The following CA1 variants were observed in gnomAD, a reference collection of about 807,000 sequenced individuals.
CA1 encodes carbonate dehydratase I.
Under a neutral mutation model 28.8 loss-of-function variants are expected in CA1, and 27 were observed. That is an observed-to-expected ratio of 0.94 (90% CI 0.69 to 1.29). The LOEUF is 1.29. CA1 is among the 50% of genes most tolerant of loss of function. The pLI, the probability that CA1 is intolerant of heterozygous loss-of-function variation, is 0.00. For missense variants in CA1, 335 were observed against 310.5 expected, an observed-to-expected ratio of 1.08 and a Z score of -0.59; for synonymous variants, 121 against 108.8, an observed-to-expected ratio of 1.11 and a Z score of -0.70.
chr8:85,343,812 C>A (rs1480498944), intron 1 of CA1, among the ~76,000 whole-genome samples: 2 of 151,800 alleles, frequency 1.3e-5, no homozygotes, highest in African/African-American at 4.8e-5. Flanking sequence ...ATTGTACTGG[C>A]AGAAAATTAT....
chr8:85,345,838 A>G (rs552491125), intron 1 of CA1, among the ~76,000 whole-genome samples: 1 of 152,214 alleles, frequency 6.6e-6, no homozygotes, highest in African/African-American at 2.4e-5. Context: ...CATTACTGGG[A>G]GAATGAGAAC....
At chr8:85,347,884 G>A (rs980893995) in intron 1 of CA1, among the ~76,000 whole-genome samples, 1 of 152,186 alleles carries the variant, frequency 6.6e-6, no homozygotes, top group Non-Finnish European at 1.5e-5. Context: ...GTCCTGATTA[G>A]GACACTATCA....
At chr8:85,372,667 A>G (rs951008900) in intron 1 of CA1, among the ~76,000 whole-genome samples, 1 of 152,200 alleles carries the variant, frequency 6.6e-6, no homozygotes, top group Admixed American at 6.6e-5. Flanking sequence ...TGTTTCAGTT[A>G]TGTATGATCC....
intron 2 of CA1, among the ~76,000 whole-genome samples, chr8:85,340,592 A>G (rs74878803): frequency 0.027 from 4,096 of 152,300 alleles, 185 homozygotes; most frequent in African/African-American, 0.093. Flanking sequence ...ACACTTTGTA[A>G]GGCTGTAGTT....
At chr8:85,332,379 T>A (rs1585913967) in intron 6 of CA1, 111 bp downstream of exon 6, 2 of 809,422 alleles carry the variant, frequency 2.5e-6, no homozygotes, top group East Asian at 5.3e-5. Flanking sequence ...TTTCAGTTGG[T>A]AGCTTTTACT....
At chr8:85,337,591 A>C (rs1330367033) in intron 3 of CA1, among the ~76,000 whole-genome samples, 1 of 152,082 alleles carries the variant, frequency 6.6e-6, no homozygotes, top group African/African-American at 2.4e-5. Flanking sequence ...CACTTATAAA[A>C]CTTTGTTTGG....
At chr8:85,328,893 T>C (rs11987004) in intron 7 of CA1, among the ~76,000 whole-genome samples, 2 of 152,158 alleles carry the variant, frequency 1.3e-5, no homozygotes, top group South Asian at 4.1e-4. Context: ...TTAAATCAAT[T>C]AAATAAAGCA....
intron 7 of CA1, among the ~76,000 whole-genome samples, chr8:85,329,267 A>G (rs989280122): frequency 6.6e-6 from 1 of 152,324 alleles, no homozygotes; most frequent in Admixed American, 6.5e-5. Context: ...ACAGTTAATG[A>G]GATATTTTGT....
intron 1 of CA1, among the ~76,000 whole-genome samples, chr8:85,376,112 C>T (rs900285129): frequency 6.6e-6 from 1 of 152,106 alleles, no homozygotes; most frequent in Non-Finnish European, 1.5e-5. Flanking sequence ...TGGTGGATCG[C>T]TTGAGGTTAG....
chr8:85,345,956 T>C (rs1809167593), intron 1 of CA1, among the ~76,000 whole-genome samples: 2 of 152,200 alleles, frequency 1.3e-5, no homozygotes, highest in Admixed American at 1.3e-4. Context: ...TCCATCACTT[T>C]TATGGCTTTT....
In CA1 at chr8:85,355,885, C is replaced by G. The variant is rs182814430; in HGVS notation, c.-24-14226G>C. 2.3e-4 allele frequency among the ~76,000 whole-genome samples: 35 copies of G among 152,034 alleles called. No homozygotes were observed. The East Asian group carries it at 5.6e-3, about 24-fold the overall frequency. On this transcript the variant is annotated intron_variant, in intron 1 of 7. Transcript: ENST00000523022. ...TTCTTCTTATTGAAAGATCAAGAAC[C>G]TCAGCCTGCCATGACTTTCTTGGCT... is the stretch of plus-strand genomic sequence containing the variant.
intron 1 of CA1, among the ~76,000 whole-genome samples, chr8:85,357,509 A>G (rs574088958): frequency 6.6e-6 from 1 of 152,330 alleles, no homozygotes; most frequent in Admixed American, 6.5e-5. Context: ...TACTTACAGT[A>G]TGATTGATAG....
intron 6 of CA1, among the ~76,000 whole-genome samples, chr8:85,330,898 A>T (rs1017221240): frequency 2.9e-4 from 44 of 152,250 alleles, no homozygotes; most frequent in African/African-American, 1.0e-3. Context: ...TTCCTAAGAA[A>T]GTTTATCCTA....
At chr8:85,348,775 A>G (rs1809296721) in intron 1 of CA1, among the ~76,000 whole-genome samples, 1 of 152,210 alleles carries the variant, frequency 6.6e-6, no homozygotes, top group East Asian at 1.9e-4. Flanking sequence ...GTTAATAAGT[A>G]TAAAATACCT....
chr8:85,361,600 C>A (rs535238454), intron 1 of CA1, among the ~76,000 whole-genome samples: 2 of 152,072 alleles, frequency 1.3e-5, no homozygotes, highest in Admixed American at 1.3e-4. Context: ...TCACTTGAAC[C>A]CAGGGGGTGG....
intron 1 of CA1, among the ~76,000 whole-genome samples, chr8:85,351,349 A>G (rs932488347): frequency 1.3e-5 from 2 of 152,252 alleles, no homozygotes; most frequent in Admixed American, 6.5e-5. Flanking sequence ...TTAAGGATTC[A>G]TGTCCCTAAA....
At chr8:85,358,458 G>C (rs1042382785) in intron 1 of CA1, among the ~76,000 whole-genome samples, 1 of 152,166 alleles carries the variant, frequency 6.6e-6, no homozygotes, top group Non-Finnish European at 1.5e-5. Flanking sequence ...TAGAAGGAAA[G>C]ATTCTTGAGA....
intron 1 of CA1, among the ~76,000 whole-genome samples, chr8:85,348,975 T>C (rs1327183258): frequency 6.6e-6 from 1 of 152,178 alleles, no homozygotes; most frequent in Admixed American, 6.5e-5. Flanking sequence ...TTTGATGATG[T>C]ACATTAGCTG....
Position 85,337,008 on chromosome 8 carries a change from G to T in CA1, c.291C>A (p.His97Gln). 1 of 1,613,354 alleles carries T rather than the reference G, an allele frequency of 6.2e-7. No individual in the cohort carries two copies. The highest frequency in any genetic ancestry group is 1.3e-5 in the African/African-American group (1 of 74,992). ...AACCATGCTCATTTGTACTGCCCCA[G>T]TGAAAATGGAACTGAAAGAGCCTGT... The part of the protein sequence containing the change: ...DSYRLFQFHF[H>Q]WGSTNEHGSE... Residue 97 changes from histidine to glutamine, a missense_variant, in exon 4 of 8, where the codon CAC becomes CAA. Coordinates refer to ENST00000523022, the MANE Select transcript of CA1 (RefSeq NM_001128831.4).
Sources: gnomAD v4.1 joint callset for allele counts (sites outside exome capture counted in the v4.1 genomes callset) on GRCh38, gnomAD v4.1.1 for gene constraint, MANE v1.5 for transcripts, NCBI Gene and HGNC (gene_info 2026-07-23, HGNC 2026-07-21) for gene names.